AHI1: variants seen among roughly 807,000 people sequenced by gnomAD.
AHI1 encodes the protein Abelson helper integration site 1, also known as jouberin.
Under a neutral mutation model 149.3 loss-of-function variants are expected in AHI1, and 123 were observed. The observed-to-expected ratio is 0.82, with a 90% CI of 0.71 to 0.96. The LOEUF is 0.96. Ranked by LOEUF, AHI1 falls within the 40% of genes least tolerant of loss-of-function variation. AHI1 has a pLI of 0.00. For synonymous variants in AHI1, 475 were observed against 459.8 expected (o/e 1.03, Z -0.42); for missense variants, 1,439 against 1,422.7 (o/e 1.01, Z -0.18).
At chr6:135,377,262 T>A (rs1776085637) in intron 23 of AHI1, among the ~76,000 whole-genome samples, 1 of 152,102 alleles carries the variant, frequency 6.6e-6, no homozygotes, top group East Asian at 1.9e-4. Flanking sequence ...ATTTTTCCAA[T>A]TTTTTATGGT....
chr6:135,490,206 G>A (rs749647677), intron 5 of AHI1: 11 of 725,398 alleles, frequency 1.5e-5, no homozygotes, highest in Non-Finnish European at 2.8e-5. Flanking sequence ...TTACCATACG[G>A]CCATTGATTT....
chr6:135,437,109 G>A (rs575766161), intron 15 of AHI1, among the ~76,000 whole-genome samples: 1 of 152,296 alleles, frequency 6.6e-6, no homozygotes. Context: ...AGGGAAATCA[G>A]AGGGAAATAT....
chr6:135,338,168 C>T (rs545310954), intron 24 of AHI1, among the ~76,000 whole-genome samples: 34 of 151,740 alleles, frequency 2.2e-4, no homozygotes, highest in Middle Eastern at 6.8e-3. Flanking sequence ...GGCATGGTGG[C>T]GCACACCTGT....
In AHI1 at chr6:135,409,836, G is replaced by T. The variant is rs145154028; in HGVS notation, c.2961+1512C>A. Among the ~76,000 whole-genome samples the T allele has an allele frequency of 3.1e-3, 470 of 152,046 alleles. 3 individuals are homozygous for T. The highest frequency in any genetic ancestry group is 0.01 in the African/African-American group (429 of 41,444). On this transcript the variant is annotated intron_variant, in intron 21 of 28. Transcript: ENST00000265602. ...AGATACTTTCATTTTATAGATTTTGGGACTTTAGCACAGGAAGGCCTTTTG... is the reference window on the plus strand; with the variant it reads ...AGATACTTTCATTTTATAGATTTTGTGACTTTAGCACAGGAAGGCCTTTTG...
At chr6:135,460,006 A>G (rs1389964977) in intron 8 of AHI1, among the ~76,000 whole-genome samples, 1 of 151,948 alleles carries the variant, frequency 6.6e-6, no homozygotes, top group African/African-American at 2.4e-5. Context: ...AGCCTGGAAA[A>G]TGTAGTGAGA....
intron 24 of AHI1, among the ~76,000 whole-genome samples, chr6:135,356,548 TAGTAG>T (rs1562566658): frequency 6.6e-6 from 1 of 152,138 alleles, no homozygotes; most frequent in Non-Finnish European, 1.5e-5. Context: ...CCTTACTTTG[TAGTAG>T]AGACACAGAA....
At chr6:135,466,839 C>G (rs1790843158) in intron 6 of AHI1, among the ~76,000 whole-genome samples, 1 of 152,154 alleles carries the variant, frequency 6.6e-6, no homozygotes, top group Non-Finnish European at 1.5e-5. Flanking sequence ...TAAGATCACC[C>G]TGCAGTAAAT....
intron 3 of AHI1, among the ~76,000 whole-genome samples, chr6:135,494,336 C>T (rs1185699851): frequency 2.6e-5 from 4 of 152,154 alleles, no homozygotes; most frequent in Non-Finnish European, 5.9e-5. Context: ...ATAACTGTAA[C>T]AGGTTGTTAG....
intron 5 of AHI1, among the ~76,000 whole-genome samples, chr6:135,478,011 G>A (rs1792985525): frequency 1.3e-5 from 2 of 152,096 alleles, no homozygotes; most frequent in East Asian, 3.9e-4. Flanking sequence ...ATGTTGGCCA[G>A]GCTAGTCTCA....
At chr6:135,496,313 C>G (rs1424108852) in intron 2 of AHI1, among the ~76,000 whole-genome samples, 1 of 152,114 alleles carries the variant, frequency 6.6e-6, no homozygotes, top group Non-Finnish European at 1.5e-5. Context: ...GATGGGGTTT[C>G]ACCAACATTG....
intron 5 of AHI1, among the ~76,000 whole-genome samples, chr6:135,489,127 C>T (rs374661855): frequency 3.3e-5 from 5 of 152,260 alleles, no homozygotes; most frequent in Middle Eastern, 3.4e-3. Flanking sequence ...TTTTGTTCTC[C>T]TCTAAGTCCT....
chr6:135,419,898 A>AAATAT (rs1782906276), intron 20 of AHI1, among the ~76,000 whole-genome samples: 1 of 152,142 alleles, frequency 6.6e-6, no homozygotes, highest in African/African-American at 2.4e-5. Context: ...TCTACCAACT[A>AAATAT]AATATATGGA....
intron 27 of AHI1, among the ~76,000 whole-genome samples, chr6:135,291,729 AAAG>A (rs1315155791): frequency 6.6e-6 from 1 of 152,248 alleles, no homozygotes; most frequent in African/African-American, 2.4e-5. Flanking sequence ...CAGAAATTAC[AAAG>A]AAGAAAGGAC....
chr6:135,323,449 G>T, intron 24 of AHI1, 125 bp from the exon 25 acceptor site: 1 of 988,532 alleles, frequency 1.0e-6, no homozygotes, highest in Non-Finnish European at 1.5e-6. Context: ...GTGTGAGGCT[G>T]TCTCAAGGTT....
rs542963160 is a variant in AHI1, at chr6:135,393,420, T to C, written c.3109+1356A>G. ...CCTGAATTGTGGAATGAAAAGTTTG[T>C]TCCCAGACAGCTGGTAGGGATAGAG... is the stretch of plus-strand genomic sequence containing the variant. On this transcript the variant is annotated intron_variant, in intron 23 of 28. Coordinates refer to ENST00000265602, the MANE Select transcript of AHI1 (RefSeq NM_001134831.2). Among the ~76,000 whole-genome samples the C allele has an allele frequency of 2.6e-5, 4 of 152,280 alleles. No homozygotes were observed. The East Asian group carries it at 7.7e-4, about 29-fold the overall frequency.
At chr6:135,312,750 C>T (rs1035107799) in intron 26 of AHI1, among the ~76,000 whole-genome samples, 1 of 152,140 alleles carries the variant, frequency 6.6e-6, no homozygotes, top group Admixed American at 6.5e-5. Flanking sequence ...TTTAAACGAA[C>T]TTCTTATAGC....
In AHI1 at chr6:135,457,617, A is replaced by G; in HGVS notation, c.1028T>C (p.Leu343Pro). The change falls in exon 9 of 29, where the codon CTT (leucine) becomes CCT (proline). Residue 343 changes from leucine (L) to proline (P), a missense_variant. Coordinates refer to ENST00000265602, the MANE Select transcript of AHI1 (RefSeq NM_001134831.2). ...TCGGTGAATGTAAACTCCCAAGACA[A>G]GGTCATCATCAAGCAAACATTTGGG... is the stretch of plus-strand genomic sequence containing the variant. ...VYPKCLLDDD[L>P]VLGVYIHRTD... The G allele has an allele frequency of 1.9e-6, 3 of 1,613,872 alleles. No individual in the cohort carries two copies. Among genetic ancestry groups the G allele is most frequent in the Non-Finnish European group, 1.7e-6 (2 of 1,179,872 alleles).
At chr6:135,437,211 G>T (rs971285104) in intron 15 of AHI1, among the ~76,000 whole-genome samples, 3 of 152,170 alleles carry the variant, frequency 2.0e-5, no homozygotes, top group Non-Finnish European at 2.9e-5. Flanking sequence ...GAATGTTCAT[G>T]GTAAGTTTGG....
At chr6:135,446,341 C>T (rs904148797) in intron 13 of AHI1, among the ~76,000 whole-genome samples, 1 of 152,144 alleles carries the variant, frequency 6.6e-6, no homozygotes, top group South Asian at 2.1e-4. Flanking sequence ...GCACAAAGAT[C>T]ATGTGAAGAG....
Sources: gnomAD v4.1 joint callset for allele counts (sites outside exome capture counted in the v4.1 genomes callset) on GRCh38, gnomAD v4.1.1 for gene constraint, MANE v1.5 for transcripts, NCBI Gene and HGNC (gene_info 2026-07-23, HGNC 2026-07-21) for gene names.